The following PUDP variants were observed in gnomAD, a reference collection of about 807,000 sequenced individuals.
PUDP encodes the protein pseudouridine-5'-phosphatase.
Under a neutral mutation model 9.4 loss-of-function variants are expected in PUDP, and 8 were observed. That is an observed-to-expected ratio of 0.85 (90% CI 0.50 to 1.53). The LOEUF (loss-of-function observed/expected upper bound fraction) is 1.53, where lower values mean the gene tolerates loss of function less well. Among genes scored for constraint, PUDP ranks in the 40% most tolerant of loss-of-function variants. The pLI is 0.00. For synonymous variants in PUDP, 99 were observed against 80.7 expected, an observed-to-expected ratio of 1.23 and a Z score of -1.22; for missense variants, 188 against 189.7, an observed-to-expected ratio of 0.99 and a Z score of 0.05.
intron 3 of PUDP, among the ~76,000 whole-genome samples, chrX:6,827,278 G>T (rs1376142033): frequency 9.0e-6 from 1 of 111,632 alleles, no homozygotes; most frequent in Non-Finnish European, 1.9e-5. Context: ...CAAAGAATTG[G>T]ACAAAATGCA....
At chrX:6,753,207 G>A (rs904846712) in intron 3 of PUDP, among the ~76,000 whole-genome samples, 4 of 111,645 alleles carry the variant, frequency 3.6e-5, no homozygotes, top group African/African-American at 6.5e-5. Context: ...TCCCACTTAT[G>A]AGTGAGAACA....
intron 2 of PUDP, chrX:6,706,289 C>T (rs754863353): frequency 8.9e-6 from 1 of 111,819 alleles, no homozygotes; most frequent in East Asian, 2.8e-4. Flanking sequence ...GGGGAATGTA[C>T]TTAATGCCAC....
chrX:7,101,661 T>C (rs1931739605), intron 2 of PUDP, among the ~76,000 whole-genome samples: 1 of 111,434 alleles, frequency 9.0e-6, no homozygotes, highest in South Asian at 3.8e-4. Flanking sequence ...AAGGCTTGGG[T>C]AGATATGGAA....
At chrX:6,810,168 C>A (rs1926119731) in intron 3 of PUDP, among the ~76,000 whole-genome samples, 1 of 110,694 alleles carries the variant, frequency 9.0e-6, no homozygotes, top group African/African-American at 3.3e-5. Context: ...GCAAATGGCA[C>A]TAGAATAACA....
At chrX:6,823,987 G>A (rs1926385749) in intron 3 of PUDP, among the ~76,000 whole-genome samples, 2 of 112,345 alleles carry the variant, frequency 1.8e-5, no homozygotes, top group East Asian at 2.8e-4. Flanking sequence ...GGTTTTGGCC[G>A]GCTTCTTTAT....
intron 3 of PUDP, among the ~76,000 whole-genome samples, chrX:6,743,474 T>C (rs1303678253): frequency 8.9e-6 from 1 of 112,182 alleles, no homozygotes; most frequent in Non-Finnish European, 1.9e-5. Flanking sequence ...TGATTATTAA[T>C]ACGTACAACC....
At chrX:6,742,626 G>A (rs989144053) in intron 3 of PUDP, among the ~76,000 whole-genome samples, 14 of 111,509 alleles carry the variant, frequency 1.3e-4, no homozygotes, top group Admixed American at 4.7e-4. Flanking sequence ...AAAATTAGCC[G>A]GGCAGTTGTG....
At chrX:6,805,809 T>G (rs1926041725) in intron 3 of PUDP, among the ~76,000 whole-genome samples, 1 of 110,916 alleles carries the variant, frequency 9.0e-6, no homozygotes, top group Non-Finnish European at 1.9e-5. Context: ...TGAGTCACTG[T>G]GCCCAGTCTG....
intron 3 of PUDP, among the ~76,000 whole-genome samples, chrX:6,786,155 C>G (rs1444828354): frequency 3.6e-5 from 4 of 111,867 alleles, no homozygotes; most frequent in Non-Finnish European, 7.5e-5. Context: ...CCATTTCACT[C>G]TTCATTCACT....
At chrX:6,867,935 T>G (rs1025799598) in intron 3 of PUDP, among the ~76,000 whole-genome samples, 1 of 111,595 alleles carries the variant, frequency 9.0e-6, no homozygotes, top group Admixed American at 9.5e-5. Flanking sequence ...GGATGAAGCT[T>G]GCTTTATAAC....
chrX:6,802,106 G>T (rs917677721), intron 3 of PUDP, among the ~76,000 whole-genome samples: 6 of 112,024 alleles, frequency 5.4e-5, no homozygotes, highest in Non-Finnish European at 1.1e-4. Context: ...TGTAACAATA[G>T]GAATTAGCCT....
intron 1 of PUDP, among the ~76,000 whole-genome samples, chrX:6,711,689 G>A (rs1384335406): frequency 9.0e-6 from 1 of 111,631 alleles, no homozygotes; most frequent in Non-Finnish European, 1.9e-5. Context: ...TCGTTTTGGG[G>A]TAGTGTTCTC....
intron 3 of PUDP, among the ~76,000 whole-genome samples, chrX:6,757,700 T>C (rs1386048524): frequency 8.9e-6 from 1 of 112,407 alleles, no homozygotes; most frequent in African/African-American, 3.2e-5. Context: ...TTCATTTGAA[T>C]GTGAACAATA....
Position 7,049,182 on chromosome X carries a change from G to GA in PUDP, c.*1113_*1114insT, listed in dbSNP as rs1930027827. The stretch of plus-strand genomic sequence containing the variant: ...TGAAGAGTAGCTCAAGGACATCAAA[G>GA]GGCAGAGGCCCCTAGGAAGGGCTGA... On this transcript the variant is annotated 3_prime_UTR_variant, in exon 4 of 4. Transcript: ENST00000381077. The GA allele has an allele frequency of 8.9e-6, 1 of 112,024 alleles. No homozygotes were observed. The highest frequency in any genetic ancestry group is 1.9e-5 in the Non-Finnish European group (1 of 53,217). 9.2% of individuals were successfully genotyped at this position (112,024 alleles called of 1,213,427 possible).
At chrX:6,868,969 G>A (rs1927131824) in intron 3 of PUDP, among the ~76,000 whole-genome samples, 1 of 111,903 alleles carries the variant, frequency 8.9e-6, no homozygotes, top group Non-Finnish European at 1.9e-5. Context: ...TCCAAACCCA[G>A]AGAAGAAGAA....
At chrX:7,089,577 G>GT (rs199868774) in intron 2 of PUDP, among the ~76,000 whole-genome samples, 1,920 of 108,804 alleles carry the variant, frequency 0.018, 40 homozygotes, top group African/African-American at 0.059. Context: ...CCTGCCTTTT[G>GT]TTTTTTTTTG....
At chrX:6,977,833 T>C (rs1255388482) in intron 2 of PUDP, among the ~76,000 whole-genome samples, 1 of 112,913 alleles carries the variant, frequency 8.9e-6, no homozygotes, top group Admixed American at 9.3e-5. Context: ...ATGCATGAGC[T>C]AGCTCCACAG....
At chrX:7,067,429 C>A (rs1312158917) in intron 3 of PUDP, among the ~76,000 whole-genome samples, 1 of 111,963 alleles carries the variant, frequency 8.9e-6, no homozygotes, top group African/African-American at 3.2e-5. Flanking sequence ...CTGCCGCTGA[C>A]TGTAAGCCCT....
At chrX:7,091,473 G>A (rs1031698581) in intron 2 of PUDP, among the ~76,000 whole-genome samples, 17 of 111,413 alleles carry the variant, frequency 1.5e-4, no homozygotes, top group African/African-American at 5.2e-4. Flanking sequence ...CAAGTAGCTG[G>A]AACTACAGGC....
Sources: allele counts gnomAD v4.1 joint callset (sites outside exome capture counted in the v4.1 genomes callset), GRCh38; gene constraint gnomAD v4.1.1; transcripts MANE v1.5; gene names NCBI Gene and HGNC (gene_info 2026-07-23, HGNC 2026-07-21).